The following LRP2 variants were observed in gnomAD, a reference collection of about 807,000 sequenced individuals.
The protein encoded by LRP2 is LDL receptor related protein 2.
A neutral mutation model predicts 531.0 loss-of-function variants in LRP2; 172 were observed. The observed-to-expected ratio is 0.32, with a 90% confidence interval of 0.29 to 0.37. The LOEUF is 0.37. LRP2 is among the 10% of genes least tolerant of loss of function. The probability of loss-of-function intolerance (pLI) is 1.00; values close to 1 mark genes in which losing one functional copy is unlikely to be tolerated. For missense variants in LRP2, 5,167 were observed against 5,868.3 expected (o/e 0.88, Z 3.90); for synonymous variants, 1,992 against 2,027.6 (o/e 0.98, Z 0.47).
chr2:169,233,861 C>T (rs116838715), intron 29 of LRP2, among the ~76,000 whole-genome samples: 1,585 of 152,226 alleles, frequency 0.01, 30 homozygotes, highest in African/African-American at 0.036. Context: ...CAAATGAAAA[C>T]AAAACTGAAG....
chr2:169,312,783 T>C (rs1684650625), intron 3 of LRP2, among the ~76,000 whole-genome samples: 1 of 152,218 alleles, frequency 6.6e-6, no homozygotes, highest in East Asian at 1.9e-4. Context: ...TCCCGGATAA[T>C]ATCCTGCAGA....
intron 1 of LRP2, among the ~76,000 whole-genome samples, chr2:169,327,938 C>A (rs866583031): frequency 1.8e-5 from 1 of 54,166 alleles, no homozygotes; most frequent in Non-Finnish European, 3.8e-5. Context: ...GAGGTGGGGG[C>A]GTCAGCCCCC....
intron 1 of LRP2, among the ~76,000 whole-genome samples, chr2:169,341,219 G>A (rs968333175): frequency 2.0e-5 from 3 of 152,040 alleles, no homozygotes; most frequent in Non-Finnish European, 4.4e-5. Context: ...GAAGTGCAAG[G>A]CATGTCCAAG....
At chr2:169,332,339 C>A (rs1277118563) in intron 1 of LRP2, among the ~76,000 whole-genome samples, 1 of 151,874 alleles carries the variant, frequency 6.6e-6, no homozygotes, top group Non-Finnish European at 1.5e-5. Flanking sequence ...TCTTGACTAT[C>A]GCAATAGTAA....
intron 74 of LRP2, among the ~76,000 whole-genome samples, chr2:169,138,998 C>A (rs1202600937): frequency 6.6e-6 from 1 of 152,220 alleles, no homozygotes; most frequent in Non-Finnish European, 1.5e-5. Flanking sequence ...TCCTCTCTGA[C>A]CTGAACACCT....
At chr2:169,199,767 CTT>C (rs1336562042) in intron 44 of LRP2, among the ~76,000 whole-genome samples, 2 of 152,002 alleles carry the variant, frequency 1.3e-5, no homozygotes, top group Non-Finnish European at 2.9e-5. Flanking sequence ...ACTTAGTAGA[CTT>C]ATTGTTAATA....
intron 19 of LRP2, among the ~76,000 whole-genome samples, chr2:169,254,625 C>G: frequency 2.2e-5 from 1 of 44,970 alleles, no homozygotes; most frequent in East Asian, 7.9e-4. Flanking sequence ...CACATGTACC[C>G]TAAAACTTAG....
intron 1 of LRP2, among the ~76,000 whole-genome samples, chr2:169,356,811 T>G (rs1686000911): frequency 6.6e-6 from 1 of 152,216 alleles, no homozygotes; most frequent in Non-Finnish European, 1.5e-5. Flanking sequence ...ATCTCCAATC[T>G]TTCTAATGCT....
Position 169,215,752 on chromosome 2 carries a change from G to T in LRP2, c.5826+501C>A, listed in dbSNP as rs902439564. Among the ~76,000 whole-genome samples, 12 of 145,236 alleles carry T rather than the reference G, an allele frequency of 8.3e-5. No individual in the cohort carries two copies. The East Asian group carries it at 2.0e-3, about 24-fold the overall frequency. On this transcript the variant is annotated intron_variant, in intron 35 of 78. Coordinates refer to ENST00000649046, the MANE Select transcript of LRP2 (RefSeq NM_004525.3). ...ATAATATATATTCTATATCTATATAGATCATATATAGAATCTATATAGATC... is the reference window on the plus strand; with the variant it reads ...ATAATATATATTCTATATCTATATATATCATATATAGAATCTATATAGATC...
intron 9 of LRP2, among the ~76,000 whole-genome samples, chr2:169,287,424 A>G (rs75914872): frequency 6.6e-6 from 1 of 152,140 alleles, no homozygotes; most frequent in Non-Finnish European, 1.5e-5. Context: ...AAGAACCTAC[A>G]GTTACCCACT....
chr2:169,244,383 A>C (rs570216390), intron 22 of LRP2, among the ~76,000 whole-genome samples: 2 of 152,224 alleles, frequency 1.3e-5, no homozygotes, highest in African/African-American at 4.8e-5. Flanking sequence ...ATTGTTTTAA[A>C]TATATAAATA....
At position 169,138,196 on chromosome 2, in the gene LRP2, T is replaced by C. The variant is rs181846962; in HGVS notation, c.13518+381A>G. On this transcript the variant is annotated intron_variant, in intron 75 of 78. Coordinates refer to ENST00000649046, the MANE Select transcript of LRP2 (RefSeq NM_004525.3). ...ATCACTATACATTGGCAGAAAAATA[T>C]ATGACACTAGGAAAAATATAGTTCC... is the stretch of plus-strand genomic sequence containing the variant. Among the ~76,000 whole-genome samples the C allele has an allele frequency of 3.3e-3, 506 of 152,280 alleles. 2 individuals carry two copies. The highest frequency in any genetic ancestry group is 4.1e-3 in the Non-Finnish European group (278 of 68,022).
chr2:169,281,477 T>C (rs1162264747), intron 10 of LRP2, among the ~76,000 whole-genome samples: 1 of 151,142 alleles, frequency 6.6e-6, no homozygotes, highest in Non-Finnish European at 1.5e-5. Context: ...TCCCAGCACT[T>C]TGGGAGGCCA....
chr2:169,315,904 C>T (rs1684747459), intron 3 of LRP2, among the ~76,000 whole-genome samples: 1 of 141,374 alleles, frequency 7.1e-6, no homozygotes, highest in South Asian at 2.3e-4. Flanking sequence ...GGGTGGATCA[C>T]TTCAGGCCAG....
In LRP2 at chr2:169,201,758, C is replaced by A. The variant is rs1298774351; in HGVS notation, c.8322G>T (p.Gly2774=). The change falls in exon 44 of 79, where the codon GGG becomes GGT. Residue 2774 remains glycine, a synonymous_variant. Transcript: ENST00000649046. Reference sequence around the variant, plus strand: ...TGGCATTGCAGTCCCTGAACAGGCACCCTGCCTCATCACTGCCATCACCAC... The same window carrying A: ...TGGCATTGCAGTCCCTGAACAGGCAACCTGCCTCATCACTGCCATCACCAC... ...NDCGDGSDEA[G]CLFRDCNATT... The A allele has an allele frequency of 5.6e-6, 9 of 1,614,060 alleles. No individual in the cohort carries two copies. The East Asian group carries it at 2.0e-4, about 36-fold the overall frequency.
chr2:169,242,025 C>A (rs1469757739), intron 24 of LRP2, among the ~76,000 whole-genome samples: 1 of 152,220 alleles, frequency 6.6e-6, no homozygotes, highest in African/African-American at 2.4e-5. Flanking sequence ...CAGCTCATCA[C>A]AGAATTTTAT....
chr2:169,300,771 G>A (rs953768860), intron 4 of LRP2, among the ~76,000 whole-genome samples: 6 of 151,980 alleles, frequency 3.9e-5, no homozygotes, highest in South Asian at 2.1e-4. Flanking sequence ...TTGGAGAGTC[G>A]CCTGCTTCTT....
intron 3 of LRP2, among the ~76,000 whole-genome samples, chr2:169,314,169 A>G (rs1228115670): frequency 6.6e-6 from 1 of 152,112 alleles, no homozygotes; most frequent in Non-Finnish European, 1.5e-5. Flanking sequence ...GATTGAGGCA[A>G]GAAGATCACT....
intron 37 of LRP2, among the ~76,000 whole-genome samples, chr2:169,210,042 T>C (rs116247504): frequency 0.096 from 14,632 of 151,936 alleles, 1,437 homozygotes; most frequent in African/African-American, 0.25. Context: ...ATTTAAAAAA[T>C]AAAAATTTGA....
Sources: allele counts gnomAD v4.1 joint callset (sites outside exome capture counted in the v4.1 genomes callset), GRCh38; gene constraint gnomAD v4.1.1; transcripts MANE v1.5; gene names NCBI Gene and HGNC (gene_info 2026-07-23, HGNC 2026-07-21).